Variants in GRID2 observed in about 807,000 individuals in gnomAD.
GRID2 encodes the protein glutamate ionotropic receptor delta type subunit 2, also known as glutamate receptor ionotropic, delta-2.
A neutral mutation model predicts 114.8 loss-of-function variants in GRID2; 33 were observed. The ratio of observed to expected loss-of-function variants is 0.29; its 90% CI spans 0.22 to 0.38. The LOEUF is 0.38. Among genes scored for constraint, GRID2 ranks in the 10% least tolerant of loss-of-function variants. GRID2 has a pLI of 1.00. For missense variants in GRID2, 1,184 were observed against 1,257.7 expected, an observed-to-expected ratio of 0.94 and a Z score of 0.89; for synonymous variants, 505 against 449.9, an observed-to-expected ratio of 1.12 and a Z score of -1.55.
chr4:93,313,847 A>T (rs1756285995), intron 8 of GRID2, among the ~76,000 whole-genome samples: 1 of 152,222 alleles, frequency 6.6e-6, no homozygotes, highest in African/African-American at 2.4e-5. Flanking sequence ...GAATTCCTAC[A>T]GTCAAATAAG....
intron 1 of GRID2, among the ~76,000 whole-genome samples, chr4:92,338,159 AAAAAC>A (rs1727282957): frequency 6.6e-6 from 1 of 152,182 alleles, no homozygotes; most frequent in Non-Finnish European, 1.5e-5. Flanking sequence ...TCTGAAGAGA[AAAAAC>A]AAAAGCACAA....
At chr4:92,384,647 A>ATATT (rs1560599311) in intron 1 of GRID2, among the ~76,000 whole-genome samples, 1 of 37,092 alleles carries the variant, frequency 2.7e-5, no homozygotes, top group Non-Finnish European at 6.4e-5. Flanking sequence ...TATTATATAT[A>ATATT]ATATATAGAC....
chr4:92,578,879 C>A (rs1170453525), intron 1 of GRID2, among the ~76,000 whole-genome samples: 1 of 152,106 alleles, frequency 6.6e-6, no homozygotes, highest in African/African-American at 2.4e-5. Flanking sequence ...TTTCAAAACA[C>A]TGAAATGCAC....
chr4:92,893,127 G>A (rs1354856672), intron 2 of GRID2, among the ~76,000 whole-genome samples: 1 of 152,120 alleles, frequency 6.6e-6, no homozygotes, highest in Non-Finnish European at 1.5e-5. Context: ...TAAAGCTACA[G>A]TATATATCCT....
chr4:93,604,125 A>C (rs529515980), intron 13 of GRID2, among the ~76,000 whole-genome samples: 1 of 152,354 alleles, frequency 6.6e-6, no homozygotes, highest in African/African-American at 2.4e-5. Context: ...GGACAAAGTA[A>C]ATTGAAAACC....
intron 8 of GRID2, among the ~76,000 whole-genome samples, chr4:93,277,511 A>G (rs1282075551): frequency 6.6e-6 from 1 of 151,850 alleles, no homozygotes; most frequent in Non-Finnish European, 1.5e-5. Context: ...TTAATATTTT[A>G]AGTACTTTTT....
chr4:92,887,122 A>C (rs988346071), intron 2 of GRID2, among the ~76,000 whole-genome samples: 2 of 152,080 alleles, frequency 1.3e-5, no homozygotes, highest in African/African-American at 4.8e-5. Flanking sequence ...TTTTTTGTTC[A>C]TATTGTTATC....
intron 1 of GRID2, among the ~76,000 whole-genome samples, chr4:92,469,641 CCGATA>C (rs1721927326): frequency 6.6e-6 from 1 of 151,560 alleles, no homozygotes; most frequent in Non-Finnish European, 1.5e-5. Flanking sequence ...CCGATTGTAA[CCGATA>C]TCGGATCAAA....
chr4:93,791,168 T>C (rs943347875), intron 1 of GRID2, among the ~76,000 whole-genome samples: 5 of 152,200 alleles, frequency 3.3e-5, no homozygotes, highest in African/African-American at 1.2e-4. Flanking sequence ...CCCTGTTATT[T>C]AGCAATTTTG....
intron 1 of GRID2, among the ~76,000 whole-genome samples, chr4:92,381,327 G>C (rs907337120): frequency 1.3e-5 from 2 of 151,868 alleles, no homozygotes; most frequent in Non-Finnish European, 2.9e-5. Context: ...TCGATCACTC[G>C]ATCACTTCTA....
At chr4:92,648,412 T>C (rs1731752541) in intron 2 of GRID2, among the ~76,000 whole-genome samples, 1 of 149,426 alleles carries the variant, frequency 6.7e-6, no homozygotes, top group South Asian at 2.1e-4. Context: ...GAATATTTTG[T>C]CACCTCTCCA....
chr4:92,551,709 C>T (rs1157849376), intron 1 of GRID2, among the ~76,000 whole-genome samples: 3 of 152,070 alleles, frequency 2.0e-5, no homozygotes, highest in African/African-American at 7.2e-5. Flanking sequence ...ATAGTACAAA[C>T]ACAAATAATA....
intron 1 of GRID2, among the ~76,000 whole-genome samples, chr4:92,482,030 A>C (rs904789968): frequency 2.9e-5 from 2 of 69,890 alleles, no homozygotes; most frequent in African/African-American, 1.1e-4. Flanking sequence ...ATATATATAT[A>C]TATAAAATAA....
At chr4:92,903,488 G>T (rs1352269518) in intron 2 of GRID2, among the ~76,000 whole-genome samples, 1 of 151,770 alleles carries the variant, frequency 6.6e-6, no homozygotes, top group African/African-American at 2.4e-5. Context: ...ACTTTTTAAT[G>T]AGTTACCTGC....
At chr4:92,443,797 G>A (rs930281348) in intron 1 of GRID2, among the ~76,000 whole-genome samples, 11 of 152,174 alleles carry the variant, frequency 7.2e-5, no homozygotes, top group South Asian at 4.1e-4. Flanking sequence ...GTCCCTGCGT[G>A]GTATGACACC....
chr4:93,674,952 A>G (rs1330837358), intron 14 of GRID2, among the ~76,000 whole-genome samples: 2 of 152,208 alleles, frequency 1.3e-5, no homozygotes, highest in Middle Eastern at 3.4e-3. Context: ...ATTTCTATCA[A>G]TTTATCATTA....
intron 2 of GRID2, among the ~76,000 whole-genome samples, chr4:92,848,037 A>G (rs1419664379): frequency 6.6e-6 from 1 of 151,994 alleles, no homozygotes; most frequent in Non-Finnish European, 1.5e-5. Context: ...CACTTATCTT[A>G]CTAGATTTTG....
chr4:92,959,166 G>T (rs1304910653), intron 2 of GRID2, among the ~76,000 whole-genome samples: 1 of 141,822 alleles, frequency 7.1e-6, no homozygotes, highest in Non-Finnish European at 1.5e-5. Context: ...TTCTCTATTG[G>T]CTTCCTGTTT....
chr4:93,322,855 T>C (rs1377174552), intron 8 of GRID2, among the ~76,000 whole-genome samples: 1 of 152,192 alleles, frequency 6.6e-6, no homozygotes, highest in African/African-American at 2.4e-5. Flanking sequence ...TTTTGAGAAG[T>C]GTCTGTTCAT....
Sources: gnomAD v4.1 joint callset for allele counts (sites outside exome capture counted in the v4.1 genomes callset) on GRCh38, gnomAD v4.1.1 for gene constraint, MANE v1.5 for transcripts, NCBI Gene and HGNC (gene_info 2026-07-23, HGNC 2026-07-21) for gene names.